TMPRSS5: variants seen among roughly 807,000 people sequenced by gnomAD.
The protein encoded by TMPRSS5 is transmembrane protease serine 5.
Under a neutral mutation model 59.7 loss-of-function variants are expected in TMPRSS5, and 45 were observed. That is an observed-to-expected ratio of 0.75 (90% CI 0.59 to 0.97). The LOEUF (loss-of-function observed/expected upper bound fraction) is 0.97, where lower values mean the gene tolerates loss of function less well. Ranked by LOEUF, TMPRSS5 falls within the 50% of genes least tolerant of loss-of-function variation. The probability of loss-of-function intolerance (pLI) is 0.00; values close to 1 mark genes in which losing one functional copy is unlikely to be tolerated. For synonymous variants in TMPRSS5, 225 were observed against 232.0 expected (o/e 0.97, Z 0.27); for missense variants, 585 against 596.7 (o/e 0.98, Z 0.20).
rs1197914581 is a variant in TMPRSS5 at position 113,693,356 on chromosome 11, C to G, written c.786-107G>C. The G allele has an allele frequency of 5.5e-6, 7 of 1,278,186 alleles. No individual in the cohort carries two copies. In the Admixed American group the frequency reaches 8.9e-5, roughly 16 times the overall value. The allele number at this position is 1,278,186 out of a possible 1,614,324, so 79.2% of individuals were successfully genotyped here. On this transcript the variant is annotated intron_variant, in intron 8 of 12. Coordinates refer to ENST00000299882, the MANE Select transcript of TMPRSS5 (RefSeq NM_030770.4). ...GCCAGAGCAGCCATTGGTGGGGGGG[C>G]CGTCAGCAGGCGGTGAGCTCCCAGG...
At chr11:113,697,112 C>A in intron 5 of TMPRSS5, 141 bp from the exon 6 acceptor site, 1 of 1,230,494 alleles carries the variant, frequency 8.1e-7, no homozygotes, top group Non-Finnish European at 1.2e-6. Context: ...ATACTCCAAA[C>A]AGAGAAATGG....
At chr11:113,697,039 T>C (rs1035737804) in intron 5 of TMPRSS5, 68 bp from the exon 6 acceptor site, 28 of 1,266,062 alleles carry the variant, frequency 2.2e-5, no homozygotes, top group South Asian at 2.0e-4. Flanking sequence ...ATAATACTAG[T>C]ATAGTGACCG....
At chr11:113,690,464 A>T in intron 10 of TMPRSS5, 91 bp from the exon 11 acceptor site, 1 of 1,503,480 alleles carries the variant, frequency 6.7e-7, no homozygotes, top group East Asian at 2.5e-5. Context: ...AGTCCCAGAG[A>T]CAGGGAGACC....
At chr11:113,699,089 T>A in intron 3 of TMPRSS5, 62 bp from the exon 4 acceptor site, 1 of 1,560,300 alleles carries the variant, frequency 6.4e-7, no homozygotes, top group Non-Finnish European at 8.7e-7. Flanking sequence ...GGTGCTGACC[T>A]CCTCATCAGC....
intron 4 of TMPRSS5, 155 bp downstream of exon 4, chr11:113,698,750 G>A: frequency 3.5e-6 from 3 of 864,078 alleles, no homozygotes; most frequent in Non-Finnish European, 5.4e-6. Flanking sequence ...AGAGATCACT[G>A]CAAGGTGACA....
chr11:113,691,053 C>A, intron 9 of TMPRSS5, 114 bp from the exon 10 acceptor site: 1 of 964,854 alleles, frequency 1.0e-6, no homozygotes, highest in Non-Finnish European at 1.6e-6. Context: ...CTCAAACAGT[C>A]CTGGCTCCTG....
At chr11:113,688,312 C>T in intron 12 of TMPRSS5, 38 bp from the exon 13 acceptor site, 1 of 1,446,800 alleles carries the variant, frequency 6.9e-7, no homozygotes, top group Non-Finnish European at 9.5e-7. Context: ...CACAGCATGG[C>T]TCTACACTAG....
intron 7 of TMPRSS5, 110 bp downstream of exon 7, chr11:113,695,290 C>G (rs758700799): frequency 8.2e-7 from 1 of 1,225,852 alleles, no homozygotes; most frequent in East Asian, 2.5e-5. Flanking sequence ...GTGGGCAAGA[C>G]CCCTACCCCA....
chr11:113,688,041 C>A lies in TMPRSS5; in HGVS notation c.*219G>T. The A allele has an allele frequency of 1.6e-6, 1 of 609,924 alleles. No homozygotes were observed. Among genetic ancestry groups the A allele is most frequent in the South Asian group, 5.5e-5 (1 of 18,156 alleles). The allele number at this position is 609,924 out of a possible 1,614,324, so 37.8% of individuals were successfully genotyped here. On this transcript the variant is annotated 3_prime_UTR_variant, in exon 13 of 13. Coordinates refer to ENST00000299882, the MANE Select transcript of TMPRSS5 (RefSeq NM_030770.4). Reference sequence around the variant, plus strand: ...CCCAGCCTCTCTTCTGTCATTGAGTCTCTAGTGAGAAAGAGGACTCTGAAA... The same window carrying A: ...CCCAGCCTCTCTTCTGTCATTGAGTATCTAGTGAGAAAGAGGACTCTGAAA...
chr11:113,690,180 T>TCCCCCCCCCCCCCCCCCCCCC, intron 11 of TMPRSS5, 51 bp downstream of exon 11: 3 of 187,990 alleles, frequency 1.6e-5, no homozygotes, highest in Non-Finnish European at 2.7e-5. Flanking sequence ...CCCCCTGCCC[T>TCCCCCCCCCCCCCCCCCCCCC]CCCACCCCCA....
chr11:113,706,271 G>A lies in TMPRSS5; in HGVS notation c.-47C>T, dbSNP rs1036817838. On this transcript the variant is annotated 5_prime_UTR_variant, in exon 1 of 13. Coordinates refer to ENST00000299882, the MANE Select transcript of TMPRSS5 (RefSeq NM_030770.4). ...AAAGCCTCAGGGTCTACTAGGCAAT[G>A]TTCCGCTCCTGTTCTCAGGCCAGCA... 2 of 1,593,768 alleles carry A rather than the reference G, an allele frequency of 1.3e-6. No homozygotes were observed. Among genetic ancestry groups the A allele is most frequent in the African/African-American group, 2.7e-5 (2 of 74,460 alleles).
At position 113,697,300 on chromosome 11, in the gene TMPRSS5, C is replaced by G; in HGVS notation, c.447G>C (p.Trp149Cys). ...WSPALGLQIC[W>C]SLGHLRLTHH... Reference sequence around the variant, plus strand: ...CCTGTTACCTGAGATGCCCAAGGCTCCAGCAGATCTGCAGCCCCAGGGCGG... The same window carrying G: ...CCTGTTACCTGAGATGCCCAAGGCTGCAGCAGATCTGCAGCCCCAGGGCGG... The change falls in exon 5 of 13, where the codon TGG becomes TGC. Residue 149 changes from tryptophan (W) to cysteine (C), a missense_variant. Trp to Cys is a radical substitution (Grantham distance 215). Coordinates refer to ENST00000299882, the MANE Select transcript of TMPRSS5 (RefSeq NM_030770.4). 1 of 1,612,408 alleles carries G rather than the reference C, an allele frequency of 6.2e-7. No homozygotes were observed. Among genetic ancestry groups the G allele is most frequent in the Non-Finnish European group, 8.5e-7 (1 of 1,178,750 alleles).
Position 113,706,295 on chromosome 11 carries a change from CA to C in TMPRSS5, c.-72del. On this transcript the variant is annotated 5_prime_UTR_variant, in exon 1 of 13. An upstream start codon of the reference 5' UTR is lost. Transcript: ENST00000299882. ...TGTTCCGCTCCTGTTCTCAGGCCAG[CA>C]TTGATTAAAGCTAGCCCAGCAAGCT... is the stretch of plus-strand genomic sequence containing the variant. The C allele has an allele frequency of 6.4e-7, 1 of 1,568,278 alleles. No homozygotes were observed. Among genetic ancestry groups the C allele is most frequent in the Non-Finnish European group, 8.7e-7 (1 of 1,154,024 alleles).
chr11:113,695,442 T>G lies in TMPRSS5; in HGVS notation c.580A>C (p.Asn194His), dbSNP rs1952902296. 1 of 1,613,778 alleles carries G rather than the reference T, an allele frequency of 6.2e-7. No individual in the cohort carries two copies. Among genetic ancestry groups the G allele is most frequent in the African/African-American group, 1.3e-5 (1 of 74,912 alleles). Residue 194 changes from asparagine to histidine, a missense_variant and splice_region_variant, in exon 7 of 13, where the codon AAC becomes CAC. Physicochemically the swap from Asn to His is moderately conservative, Grantham distance 68. Coordinates refer to ENST00000299882, the MANE Select transcript of TMPRSS5 (RefSeq NM_030770.4). ...ACAACTTGACCAGAAGTGCAGTTGT[T>G]CCTGCAAAACAGAGGTACCAACAAG... ...GFLEEAWQPR[N>H]NCTSGQVVSL... is the part of the protein sequence containing the mutation.
chr11:113,699,203 GTCTGTCTGTCTCTCTCTCTCTCTCTCTC>G lies in TMPRSS5; in HGVS notation c.206-204_206-177del, dbSNP rs1404801605. Reference sequence around the variant, plus strand: ...ATCTCTGCCTCTTTGACTCTCCTTTGTCTGTCTGTCTCTCTCTCTCTCTCTCTCTCTCTCTCTCTCTCTCTCTCTCTCT... The same window carrying G: ...ATCTCTGCCTCTTTGACTCTCCTTTGTCTCTCTCTCTCTCTCTCTCTCTCT... On this transcript the variant is annotated intron_variant, in intron 3 of 12. Transcript: ENST00000299882. Among the ~76,000 whole-genome samples the G allele has an allele frequency of 1.9e-4, 7 of 36,412 alleles. 1 individual carries two copies. The highest frequency in any genetic ancestry group is 1.1e-3 in the African/African-American group (7 of 6,232). The allele number at this position is 36,412 out of a possible 152,430, so 23.9% of individuals were successfully genotyped here. A position where few individuals can be genotyped will look rare whatever the true frequency, so the allele number is the denominator to read the frequency against.
At chr11:113,692,174 C>A (rs11214705) in intron 9 of TMPRSS5, among the ~76,000 whole-genome samples, 68,269 of 151,996 alleles carry the variant, frequency 0.45, 16,032 homozygotes, top group Middle Eastern at 0.54. Context: ...AGGCGTGAGC[C>A]GCCATGCCCA....
At chr11:113,692,747 T>C (rs112967403) in intron 9 of TMPRSS5, among the ~76,000 whole-genome samples, 44 of 152,236 alleles carry the variant, frequency 2.9e-4, no homozygotes, top group Non-Finnish European at 4.3e-4. Flanking sequence ...ACCAAATGGC[T>C]AGGACCCGAG....
chr11:113,693,391 C>G, intron 8 of TMPRSS5, 142 bp from the exon 9 acceptor site: 2 of 879,050 alleles, frequency 2.3e-6, no homozygotes, highest in Non-Finnish European at 1.7e-6. Context: ...GCCCCACAGA[C>G]TATGCCTCTT....
intron 1 of TMPRSS5, among the ~76,000 whole-genome samples, chr11:113,703,586 C>A (rs1194621702): frequency 6.6e-6 from 1 of 152,160 alleles, no homozygotes; most frequent in African/African-American, 2.4e-5. Context: ...TATGATTTGG[C>A]TCTCCCCTCA....
Sources: gnomAD v4.1 joint callset for allele counts (sites outside exome capture counted in the v4.1 genomes callset) on GRCh38, gnomAD v4.1.1 for gene constraint, MANE v1.5 for transcripts, NCBI Gene and HGNC (gene_info 2026-07-23, HGNC 2026-07-21) for gene names.